DCLK2: variants seen among roughly 807,000 people sequenced by gnomAD.
DCLK2 encodes the protein doublecortin like kinase 2.
A neutral mutation model predicts 78.4 loss-of-function variants in DCLK2; 31 were observed. The observed-to-expected ratio is 0.40, with a 90% CI of 0.30 to 0.53. The LOEUF (loss-of-function observed/expected upper bound fraction) is 0.53, where lower values mean the gene tolerates loss of function less well. Among genes scored for constraint, DCLK2 ranks in the 20% least tolerant of loss-of-function variants. The probability of loss-of-function intolerance (pLI) is 0.61; values close to 1 mark genes in which losing one functional copy is unlikely to be tolerated. For synonymous variants in DCLK2, 407 were observed against 374.9 expected, an observed-to-expected ratio of 1.09 and a Z score of -0.99; for missense variants, 872 against 973.7, an observed-to-expected ratio of 0.90 and a Z score of 1.39.
At chr4:150,154,222 T>G (rs565142032) in intron 2 of DCLK2, among the ~76,000 whole-genome samples, 3 of 152,360 alleles carry the variant, frequency 2.0e-5, no homozygotes, top group African/African-American at 7.2e-5. Context: ...TGTCACTCTT[T>G]CTCTTCACTT....
chr4:150,203,316 G>A (rs1739586120), intron 4 of DCLK2, among the ~76,000 whole-genome samples: 1 of 152,162 alleles, frequency 6.6e-6, no homozygotes, highest in South Asian at 2.1e-4. Flanking sequence ...AAAATACTTA[G>A]AAAATGTGTT....
chr4:150,135,255 C>T (rs991406271), intron 2 of DCLK2, among the ~76,000 whole-genome samples: 3 of 151,942 alleles, frequency 2.0e-5, no homozygotes, highest in Non-Finnish European at 4.4e-5. Flanking sequence ...TCACAGTGCA[C>T]ATTAGCATAT....
intron 2 of DCLK2, among the ~76,000 whole-genome samples, chr4:150,127,327 ATAG>A (rs1449688128): frequency 3.3e-5 from 5 of 152,334 alleles, no homozygotes; most frequent in Admixed American, 3.3e-4. Flanking sequence ...TGTTTGCCAA[ATAG>A]TAGTTTTATA....
intron 1 of DCLK2, among the ~76,000 whole-genome samples, chr4:150,088,926 A>G (rs1729845249): frequency 6.6e-6 from 1 of 152,210 alleles, no homozygotes; most frequent in Non-Finnish European, 1.5e-5. Context: ...CGGCTGCACC[A>G]ATGGCAGGTT....
At chr4:150,110,349 T>C (rs1731582697) in intron 2 of DCLK2, among the ~76,000 whole-genome samples, 1 of 152,224 alleles carries the variant, frequency 6.6e-6, no homozygotes, top group Non-Finnish European at 1.5e-5. Flanking sequence ...TAATAATGGT[T>C]ATCACAATAT....
intron 2 of DCLK2, among the ~76,000 whole-genome samples, chr4:150,178,414 A>G (rs1737241578): frequency 6.6e-6 from 1 of 152,190 alleles, no homozygotes; most frequent in Admixed American, 6.5e-5. Flanking sequence ...GCCATAAATA[A>G]TTCAAACGGA....
intron 5 of DCLK2, among the ~76,000 whole-genome samples, chr4:150,213,329 A>G (rs997222678): frequency 6.6e-6 from 1 of 152,224 alleles, no homozygotes; most frequent in African/African-American, 2.4e-5. Context: ...GTTTTTGCCA[A>G]ACGAAACCAA....
intron 2 of DCLK2, among the ~76,000 whole-genome samples, chr4:150,165,359 A>G (rs1735986746): frequency 1.3e-5 from 2 of 151,968 alleles, no homozygotes; most frequent in African/African-American, 4.8e-5. Flanking sequence ...TGGTAATTTT[A>G]TATACAATAA....
chr4:150,094,659 T>C (rs911064073), intron 1 of DCLK2, among the ~76,000 whole-genome samples: 1 of 152,256 alleles, frequency 6.6e-6, no homozygotes, highest in African/African-American at 2.4e-5. Context: ...TGTGCTTATT[T>C]TGCCTGGATG....
chr4:150,229,019 C>T (rs1302603692), intron 8 of DCLK2, among the ~76,000 whole-genome samples: 1 of 144,928 alleles, frequency 6.9e-6, no homozygotes, highest in Non-Finnish European at 1.5e-5. Context: ...GGCAACAGAG[C>T]GAGACTCCGT....
At chr4:150,167,171 T>A (rs1049965096) in intron 2 of DCLK2, among the ~76,000 whole-genome samples, 2 of 151,928 alleles carry the variant, frequency 1.3e-5, no homozygotes, top group African/African-American at 2.4e-5. Flanking sequence ...AAAAAAAAAA[T>A]ATCTGTTTCA....
chr4:150,169,374 A>G (rs1431826366), intron 2 of DCLK2, among the ~76,000 whole-genome samples: 3 of 152,220 alleles, frequency 2.0e-5, no homozygotes, highest in Admixed American at 2.0e-4. Flanking sequence ...AAGTGGGTTC[A>G]GAGGCCTGGT....
At chr4:150,167,600 A>G (rs1484025957) in intron 2 of DCLK2, among the ~76,000 whole-genome samples, 1 of 152,224 alleles carries the variant, frequency 6.6e-6, no homozygotes, top group Non-Finnish European at 1.5e-5. Flanking sequence ...TACAGTAGGT[A>G]GCTAGTCAGG....
At chr4:150,155,048 T>G (rs1735166361) in intron 2 of DCLK2, among the ~76,000 whole-genome samples, 1 of 152,062 alleles carries the variant, frequency 6.6e-6, no homozygotes, top group African/African-American at 2.4e-5. Flanking sequence ...TTGGGCAACA[T>G]GTAGAAACCC....
At chr4:150,254,275 T>C (rs1387578962) in intron 15 of DCLK2, among the ~76,000 whole-genome samples, 2 of 152,166 alleles carry the variant, frequency 1.3e-5, no homozygotes, top group Admixed American at 6.5e-5. Context: ...CAGGGGGAAG[T>C]TGGGGAAGGA....
Position 150,232,371 on chromosome 4 carries a change from G to A in DCLK2, c.1334G>A (p.Arg445His), listed in dbSNP as rs1272086755. 6 of 1,614,122 alleles carry A rather than the reference G, an allele frequency of 3.7e-6. No individual in the cohort carries two copies. Among genetic ancestry groups the A allele is most frequent in the Admixed American group, 1.7e-5 (1 of 60,030 alleles). The change falls in exon 9 of 16, where the codon CGC becomes CAC. Residue 445 changes from arginine to histidine, a missense_variant. Arg to His is a conservative substitution (Grantham distance 29). Transcript: ENST00000296550. ...ATTGAGAATGAAGTGTCAATACTGCGCCGAGTGAAACATCCCAATATCATT... is the reference window on the plus strand; with the variant it reads ...ATTGAGAATGAAGTGTCAATACTGCACCGAGTGAAACATCCCAATATCATT... ...HLIENEVSIL[R>H]RVKHPNIIML...
chr4:150,203,725 G>C, intron 4 of DCLK2, 70 bp from the exon 5 acceptor site: 1 of 1,249,864 alleles, frequency 8.0e-7, no homozygotes, highest in Non-Finnish European at 1.2e-6. Flanking sequence ...CATGCACCTA[G>C]TGTATTTATA....
chr4:150,179,869 C>T (rs187986416), intron 2 of DCLK2, among the ~76,000 whole-genome samples: 21 of 152,104 alleles, frequency 1.4e-4, no homozygotes, highest in African/African-American at 5.1e-4. Flanking sequence ...TATCAATTTC[C>T]AAACATATTC....
intron 10 of DCLK2, among the ~76,000 whole-genome samples, chr4:150,233,897 T>C (rs1742268972): frequency 6.6e-6 from 1 of 152,208 alleles, no homozygotes; most frequent in African/African-American, 2.4e-5. Context: ...AGAAGAATTT[T>C]AGAGAAACTG....
Sources: gnomAD v4.1 joint callset for allele counts (sites outside exome capture counted in the v4.1 genomes callset) on GRCh38, gnomAD v4.1.1 for gene constraint, MANE v1.5 for transcripts, NCBI Gene and HGNC (gene_info 2026-07-23, HGNC 2026-07-21) for gene names.